CLINT1: variants seen among roughly 807,000 people sequenced by gnomAD.
The protein encoded by CLINT1 is clathrin interactor 1, also known as clathrin interacting protein localized in the trans-Golgi region.
Under a neutral mutation model 70.4 loss-of-function variants are expected in CLINT1, and 15 were observed. That is an observed-to-expected ratio of 0.21 (90% CI 0.14 to 0.33). The LOEUF (loss-of-function observed/expected upper bound fraction) is 0.33. Among genes scored for constraint, CLINT1 ranks in the 10% least tolerant of loss-of-function variants. CLINT1 has a pLI of 1.00. For missense variants in CLINT1, 615 were observed against 778.1 expected (o/e 0.79, Z 2.49); for synonymous variants, 227 against 254.7 (o/e 0.89, Z 1.04).
At chr5:157,811,839 T>C (rs1762570329) in intron 5 of CLINT1, among the ~76,000 whole-genome samples, 1 of 152,192 alleles carries the variant, frequency 6.6e-6, no homozygotes, top group South Asian at 2.1e-4. Context: ...ATTAAGTTGC[T>C]ACAACTACTT....
At chr5:157,811,494 C>T (rs1561648827) in intron 5 of CLINT1, among the ~76,000 whole-genome samples, 1 of 149,096 alleles carries the variant, frequency 6.7e-6, no homozygotes, top group Admixed American at 6.7e-5. Context: ...GATGGTAACA[C>T]TGCACTCCAG....
rs945685243 is a variant in CLINT1, at chr5:157,786,700, C to T, written c.*946G>A. The stretch of plus-strand genomic sequence containing the variant: ...ACAAATACTGTATAAAATCTAAAAG[C>T]AAACATTGAGTTGTAACATTTATAT... On this transcript the variant is annotated 3_prime_UTR_variant, in exon 12 of 12. Transcript: ENST00000411809. 1 of 152,230 alleles carries T rather than the reference C, an allele frequency of 6.6e-6. No homozygotes were observed. Among genetic ancestry groups the T allele is most frequent in the Admixed American group, 6.6e-5 (1 of 15,218 alleles). 9.4% of individuals were successfully genotyped at this position (152,230 alleles called of 1,614,324 possible).
intron 8 of CLINT1, among the ~76,000 whole-genome samples, chr5:157,799,103 T>C (rs1762143077): frequency 1.3e-5 from 2 of 152,150 alleles, no homozygotes; most frequent in African/African-American, 4.8e-5. Context: ...GTAGAAAATG[T>C]ATTTTAAAAA....
chr5:157,803,016 A>G (rs1031590436), intron 8 of CLINT1, among the ~76,000 whole-genome samples: 6 of 152,236 alleles, frequency 3.9e-5, no homozygotes, highest in Non-Finnish European at 5.9e-5. Context: ...ACAAGCACCC[A>G]GATCAGTGTC....
chr5:157,789,452 C>T lies in CLINT1; in HGVS notation c.1442G>A (p.Ser481Asn). 1 of 1,613,946 alleles carries T rather than the reference C, an allele frequency of 6.2e-7. No homozygotes were observed. Among genetic ancestry groups the T allele is most frequent in the Non-Finnish European group, 8.5e-7 (1 of 1,179,866 alleles). The change falls in exon 11 of 12, where the codon AGT becomes AAT. Residue 481 changes from serine (S) to asparagine (N), a missense_variant. Ser to Asn is a conservative substitution (Grantham distance 46, BLOSUM62 1). This residue lies in a region of CLINT1 where 374 missense variants were observed against 409.6 expected (regional missense o/e 0.91). Transcript: ENST00000411809. ...KTLPSTWSDP[S>N]VNISLDNLLP... ...TAAGTTGTCTAGGCTGATGTTTACA[C>T]TGGGGTCAGACCAAGTAGAGGGCAA...
At chr5:157,788,489 TATA>T (rs1359360869) in intron 11 of CLINT1, among the ~76,000 whole-genome samples, 5 of 152,212 alleles carry the variant, frequency 3.3e-5, no homozygotes, top group Admixed American at 6.5e-5. Flanking sequence ...AATCTTGATT[TATA>T]ATAACAAATA....
rs761154392 is a variant in CLINT1 at position 157,805,987 on chromosome 5, C to G, written c.821G>C (p.Arg274Thr). ...ITQATETTTTRHKRTANPSKT... is the reference protein window; with the variant it reads ...ITQATETTTTTHKRTANPSKT... ...GGAAGGATTTGCTGTGCGCTTGTGTCTGGTTGTGGTGGTCTCTGTGGCCTG... is the reference window on the plus strand; with the variant it reads ...GGAAGGATTTGCTGTGCGCTTGTGTGTGGTTGTGGTGGTCTCTGTGGCCTG... Residue 274 changes from arginine to threonine, a missense_variant, in exon 7 of 12, where the codon AGA becomes ACA. Coordinates refer to ENST00000411809, the MANE Select transcript of CLINT1 (RefSeq NM_014666.4). 1.2e-6 allele frequency: 2 copies of G among 1,613,874 alleles called. No individual in the cohort carries two copies. The highest frequency in any genetic ancestry group is 4.5e-5 in the East Asian group (2 of 44,882).
chr5:157,789,773 A>C (rs374138185), intron 10 of CLINT1: 2 of 558,492 alleles, frequency 3.6e-6, no homozygotes, highest in African/African-American at 3.8e-5. Context: ...CCAACAACTT[A>C]CCTACACTAA....
In CLINT1 at chr5:157,787,792, C is replaced by T. The variant is rs1412862983; in HGVS notation, c.1732G>A (p.Gly578Ser). The change falls in exon 12 of 12, where the codon GGC becomes AGC. Residue 578 changes from glycine to serine, a missense_variant. By Grantham distance (56) the Gly-to-Ser change is moderately conservative (BLOSUM62 0). Around this residue, in one of 2 missense-constraint regions of CLINT1, gnomAD observed 374 missense variants for 409.6 expected, o/e 0.91. Coordinates refer to ENST00000411809, the MANE Select transcript of CLINT1 (RefSeq NM_014666.4). ...GACATCCCTATGTTCATGTTCATGCCCATCATGCTCTGGTTCATCATCGGA... is the reference window on the plus strand; with the variant it reads ...GACATCCCTATGTTCATGTTCATGCTCATCATGCTCTGGTTCATCATCGGA... Reference protein sequence around the residue: ...NTPMMNQSMMGMNMNIGMSAA... With the variant: ...NTPMMNQSMMSMNMNIGMSAA... The T allele has an allele frequency of 2.5e-6, 4 of 1,613,978 alleles. No individual in the cohort carries two copies. Among genetic ancestry groups the T allele is most frequent in the Non-Finnish European group, 3.4e-6 (4 of 1,179,880 alleles).
chr5:157,834,184 T>G (rs372240499), intron 1 of CLINT1, among the ~76,000 whole-genome samples: 1 of 151,576 alleles, frequency 6.6e-6, no homozygotes, highest in African/African-American at 2.4e-5. Context: ...GGCAACATGG[T>G]GAAACCCCAT....
At chr5:157,805,151 A>G (rs1345123030) in intron 7 of CLINT1, among the ~76,000 whole-genome samples, 1 of 152,226 alleles carries the variant, frequency 6.6e-6, no homozygotes, top group Non-Finnish European at 1.5e-5. Context: ...AGAGTCACCT[A>G]CAATCTGCTG....
rs1281800830 is a variant in CLINT1, at chr5:157,786,829, T to C, written c.*817A>G. ...CTGACTTAAATGATGGCTACAGGGA[T>C]AAACACGGAAGGAAGCCTTGCCAAG... On this transcript the variant is annotated 3_prime_UTR_variant, in exon 12 of 12. Transcript: ENST00000411809. The C allele has an allele frequency of 1.3e-5, 2 of 152,210 alleles. No homozygotes were observed. The highest frequency in any genetic ancestry group is 3.8e-4 in the East Asian group (2 of 5,200). The allele number at this position is 152,210 out of a possible 1,614,324, so 9.4% of individuals were successfully genotyped here. A position where few individuals can be genotyped will look rare whatever the true frequency, so the allele number is the denominator to read the frequency against.
chr5:157,800,248 A>T (rs970758931), intron 8 of CLINT1, among the ~76,000 whole-genome samples: 2 of 152,104 alleles, frequency 1.3e-5, no homozygotes, highest in African/African-American at 4.8e-5. Flanking sequence ...CACACACAAA[A>T]ATCTGAACAT....
chr5:157,857,507 G>A (rs1347085693), intron 1 of CLINT1, among the ~76,000 whole-genome samples: 1 of 152,190 alleles, frequency 6.6e-6, no homozygotes, highest in African/African-American at 2.4e-5. Flanking sequence ...TTCTTAAAGA[G>A]GTTTATTTCA....
At chr5:157,839,763 C>CTATCT (rs1310215811) in intron 1 of CLINT1, among the ~76,000 whole-genome samples, 1 of 144,382 alleles carries the variant, frequency 6.9e-6, no homozygotes, top group African/African-American at 2.5e-5. Context: ...ATCTATCTAT[C>CTATCT]TATACATATA....
chr5:157,818,092 A>T (rs1311085666), intron 1 of CLINT1, among the ~76,000 whole-genome samples: 1 of 152,152 alleles, frequency 6.6e-6, no homozygotes, highest in Admixed American at 6.5e-5. Flanking sequence ...TTACTCTATC[A>T]TATGCACTTC....
intron 4 of CLINT1, among the ~76,000 whole-genome samples, chr5:157,813,655 C>G (rs931611826): frequency 9.2e-5 from 14 of 152,184 alleles, no homozygotes; most frequent in Non-Finnish European, 1.5e-4. Context: ...TTCCCCAGTA[C>G]ACGTCTGGAA....
intron 1 of CLINT1, among the ~76,000 whole-genome samples, chr5:157,819,113 A>C (rs1447387181): frequency 6.6e-6 from 1 of 152,222 alleles, no homozygotes; most frequent in Admixed American, 6.5e-5. Flanking sequence ...TCTTAAATAT[A>C]AATTTCAAAT....
chr5:157,801,792 G>A (rs2113161797), intron 8 of CLINT1, among the ~76,000 whole-genome samples: 1 of 152,218 alleles, frequency 6.6e-6, no homozygotes, highest in South Asian at 2.1e-4. Context: ...TAACATAGTA[G>A]GTAAGGAGGA....
Sources: gnomAD v4.1 joint callset for allele counts (sites outside exome capture counted in the v4.1 genomes callset) on GRCh38, gnomAD v4.1.1 for gene constraint, gnomAD v4.1.1 regional missense constraint, MANE v1.5 for transcripts, NCBI Gene and HGNC (gene_info 2026-07-23, HGNC 2026-07-21) for gene names.